The following UBA1 variants were observed in gnomAD, a reference collection of about 807,000 sequenced individuals.
The protein encoded by UBA1 is ubiquitin like modifier activating enzyme 1.
UBA1 carries 4 observed loss-of-function variants against 84.7 expected under a neutral mutation model. The observed-to-expected ratio is 0.05, with a 90% CI of 0.02 to 0.11. The LOEUF (loss-of-function observed/expected upper bound fraction) is 0.11. Ranked by LOEUF, UBA1 falls within the 10% of genes least tolerant of loss-of-function variation. UBA1 has a pLI of 1.00. For synonymous variants in UBA1, 364 were observed against 362.6 expected (o/e 1.00, Z -0.04); for missense variants, 513 against 902.8 (o/e 0.57, Z 5.53).
At chrX:47,199,734 G>A in intron 5 of UBA1, 120 bp downstream of exon 5, 1 of 895,302 alleles carries the variant, frequency 1.1e-6, no homozygotes, top group East Asian at 3.1e-5. Context: ...TTGTGCTGGG[G>A]GACTAGAGTA....
At chrX:47,205,153 G>A (rs782184737) in intron 14 of UBA1, 48 of 201,531 alleles carry the variant, frequency 2.4e-4, no homozygotes, top group Non-Finnish European at 4.2e-4. Flanking sequence ...TGCTGTGGAA[G>A]AGCCTGCGCA....
intron 14 of UBA1, 37 bp from the exon 15 acceptor site, chrX:47,205,911 A>G (rs1556790718): frequency 8.4e-7 from 1 of 1,191,320 alleles, no homozygotes; most frequent in Non-Finnish European, 1.1e-6. Context: ...TTGTTCCCCC[A>G]TCCCCACCCT....
At chrX:47,200,799 G>A in intron 5 of UBA1, 95 bp from the exon 6 acceptor site, 2 of 638,572 alleles carry the variant, frequency 3.1e-6, no homozygotes, top group Non-Finnish European at 2.6e-6. Flanking sequence ...AAGCCTGGAT[G>A]TGTTTGCCTT....
chrX:47,197,799 C>T, intron 1 of UBA1: 2 of 443,088 alleles, frequency 4.5e-6, no homozygotes, highest in South Asian at 1.1e-4. Flanking sequence ...CTGGTCCCAG[C>T]TCAGTGTGTG....
In UBA1 at chrX:47,202,834, G is replaced by A. The variant is rs180764764; in HGVS notation, c.1233+20G>A. The A allele has an allele frequency of 5.0e-6, 6 of 1,201,883 alleles. No individual in the cohort carries two copies. The highest frequency in any genetic ancestry group is 6.7e-6 in the Non-Finnish European group (6 of 890,710). On this transcript the variant is annotated intron_variant, in intron 11 of 25. Transcript: ENST00000335972. ...ATGAAGGTCAGCACGGGTGGGGAGA[G>A]GCAGGATTGGGGTGGGCCAGGTTCC... is the stretch of plus-strand genomic sequence containing the variant.
intron 10 of UBA1, 66 bp downstream of exon 10, chrX:47,202,570 G>C: frequency 2.5e-6 from 3 of 1,206,537 alleles, no homozygotes; most frequent in Non-Finnish European, 3.4e-6. Flanking sequence ...ATGCCTCTCT[G>C]CGTGTCCACA....
chrX:47,194,977 A>G (rs1429162997), intron 1 of UBA1, among the ~76,000 whole-genome samples: 1 of 111,454 alleles, frequency 9.0e-6, no homozygotes, highest in Non-Finnish European at 1.9e-5. Context: ...CTGCTCTTGC[A>G]GATCCCGTTG....
At chrX:47,211,846 C>T (rs1454972366) in intron 20 of UBA1, among the ~76,000 whole-genome samples, 1 of 109,693 alleles carries the variant, frequency 9.1e-6, no homozygotes, top group Non-Finnish European at 1.9e-5. Context: ...GAAATGTCTA[C>T]TCCTTCATGT....
At chrX:47,211,960 CCA>C (rs1293558469) in intron 20 of UBA1, among the ~76,000 whole-genome samples, 2 of 92,602 alleles carry the variant, frequency 2.2e-5, no homozygotes, top group Admixed American at 2.3e-4. Context: ...GTATATACCC[CCA>C]CTCTCCCCCT....
intron 16 of UBA1, among the ~76,000 whole-genome samples, chrX:47,207,371 T>TA (rs1936720716): frequency 8.9e-6 from 1 of 111,964 alleles, no homozygotes; most frequent in Admixed American, 9.5e-5. Context: ...ATACTAACGA[T>TA]AGCTGATGAG....
intron 18 of UBA1, among the ~76,000 whole-genome samples, 197 bp downstream of exon 18, chrX:47,210,320 T>G (rs1262237252): frequency 8.9e-6 from 1 of 111,840 alleles, no homozygotes; most frequent in Non-Finnish European, 1.9e-5. Flanking sequence ...GCTATTGCCC[T>G]TGACTGTGGT....
At chrX:47,199,431 C>T (rs782372107) in intron 4 of UBA1, 49 bp from the exon 5 acceptor site, 5 of 1,209,894 alleles carry the variant, frequency 4.1e-6, no homozygotes, top group Non-Finnish European at 5.6e-6. Context: ...CACCACTGTT[C>T]CCGGTGCCAC....
chrX:47,213,848 C>T (rs189340468), intron 23 of UBA1, among the ~76,000 whole-genome samples: 1 of 107,595 alleles, frequency 9.3e-6, no homozygotes, highest in African/African-American at 3.5e-5. Flanking sequence ...GCCTGGGTGA[C>T]AGAGCGAGAC....
At chrX:47,197,487 G>A (rs1936245265) in intron 1 of UBA1, 4 of 754,641 alleles carry the variant, frequency 5.3e-6, no homozygotes, top group African/African-American at 4.6e-5. Flanking sequence ...AAAAGTCTCA[G>A]TGTGGGAGGA....
chrX:47,209,466 T>C, intron 16 of UBA1, 157 bp from the exon 17 acceptor site: 1 of 549,214 alleles, frequency 1.8e-6, no homozygotes, highest in Non-Finnish European at 3.3e-6. Context: ...GTTTTTCAAT[T>C]GAGGTGGGGG....
chrX:47,190,960 A>G (rs1556784180), upstream of UBA1: 1 of 112,679 alleles, frequency 8.9e-6, no homozygotes, highest in East Asian at 2.8e-4. Context: ...GGTGAGCTGG[A>G]GCACCGTGCC....
intron 16 of UBA1, chrX:47,209,158 T>G: frequency 1.4e-5 from 4 of 279,252 alleles, no homozygotes; most frequent in East Asian, 6.9e-5. Flanking sequence ...ATCAACTTCA[T>G]TGATTTTTCT....
At chrX:47,194,929 GGATAC>G (rs1936147723) in intron 1 of UBA1, among the ~76,000 whole-genome samples, 1 of 111,853 alleles carries the variant, frequency 8.9e-6, no homozygotes, top group South Asian at 3.7e-4. Context: ...GGAACTGTTT[GGATAC>G]ATAATCCTCC....
Position 47,203,742 on chromosome X carries a change from TTTTTC to T in UBA1, c.1575+51_1575+55del, listed in dbSNP as rs1398832825. 1.2e-5 allele frequency: 12 copies of T among 1,029,692 alleles called. No homozygotes were observed. In the African/African-American group the frequency reaches 3.2e-4, roughly 28 times the overall value. 84.9% of individuals were successfully genotyped at this position (1,029,692 alleles called of 1,213,427 possible). On this transcript the variant is annotated intron_variant, in intron 14 of 25. Transcript: ENST00000335972. The stretch of plus-strand genomic sequence containing the variant: ...GGGCTTTGTCGTCTCACTTTCCTCC[TTTTTC>T]TTTTTTTTTTTTTTTTTGAGACGGA...
Sources: allele counts gnomAD v4.1 joint callset (sites outside exome capture counted in the v4.1 genomes callset), GRCh38; gene constraint gnomAD v4.1.1; transcripts MANE v1.5; gene names NCBI Gene and HGNC (gene_info 2026-07-23, HGNC 2026-07-21).